Variants in PTPRT observed in about 807,000 individuals in gnomAD.
The protein encoded by PTPRT is receptor-type tyrosine-protein phosphatase T.
In PTPRT, 56 loss-of-function variants were observed where a neutral mutation model predicts 176.8. The ratio of observed to expected loss-of-function variants is 0.32; its 90% confidence interval spans 0.26 to 0.40. The LOEUF (loss-of-function observed/expected upper bound fraction) is 0.40. PTPRT is among the 10% of genes least tolerant of loss of function. The pLI is 1.00. For synonymous variants in PTPRT, 783 were observed against 739.0 expected, an observed-to-expected ratio of 1.06 and a Z score of -0.96; for missense variants, 1,540 against 1,908.2, an observed-to-expected ratio of 0.81 and a Z score of 3.60.
chr20:42,366,147 A>T (rs2058511013), intron 9 of PTPRT, among the ~76,000 whole-genome samples: 1 of 152,108 alleles, frequency 6.6e-6, no homozygotes, highest in Non-Finnish European at 1.5e-5. Flanking sequence ...ACCTTCTTCA[A>T]TGCCTTCTCT....
intron 2 of PTPRT, among the ~76,000 whole-genome samples, chr20:42,878,621 A>T (rs924359380): frequency 6.6e-5 from 10 of 152,224 alleles, no homozygotes; most frequent in Non-Finnish European, 1.5e-4. Context: ...AAAACAAGTG[A>T]CAATATCTCG....
the PTPRT span, among the ~76,000 whole-genome samples, chr20:42,039,353 T>C: frequency 2.6e-5 from 4 of 152,078 alleles, no homozygotes; most frequent in African/African-American, 9.7e-5. Flanking sequence ...AAAAAACCCA[T>C]TCTGTTAGCA....
At chr20:43,182,599 C>A (rs576814764) in intron 1 of PTPRT, among the ~76,000 whole-genome samples, 4 of 152,236 alleles carry the variant, frequency 2.6e-5, no homozygotes, top group African/African-American at 9.6e-5. Flanking sequence ...TCATGTTGAC[C>A]AGGCTGGTCT....
intron 7 of PTPRT, among the ~76,000 whole-genome samples, chr20:42,660,208 G>T (rs1001547351): frequency 2.6e-5 from 4 of 152,102 alleles, no homozygotes; most frequent in African/African-American, 9.7e-5. Flanking sequence ...CCCTAACAGG[G>T]TGTCTGCTCC....
chr20:42,826,310 T>C (rs1035335124), intron 2 of PTPRT, among the ~76,000 whole-genome samples: 2 of 152,218 alleles, frequency 1.3e-5, no homozygotes, highest in Non-Finnish European at 2.9e-5. Context: ...GGAAAAGGCC[T>C]TAGCCGTGAA....
intron 7 of PTPRT, among the ~76,000 whole-genome samples, chr20:42,558,966 T>C (rs1029605118): frequency 1.3e-5 from 2 of 152,162 alleles, no homozygotes; most frequent in African/African-American, 4.8e-5. Context: ...ATGTGTCGAC[T>C]GGATGGTCCC....
At position 42,912,329 on chromosome 20, in the gene PTPRT, T is replaced by C. The variant is rs139737076; in HGVS notation, c.89-26397A>G. ...ATTAGGTGAGGTTGAATGTTTTTTA[T>C]AAGTTCAACTGGCCATTTGGCATTT... On this transcript the variant is annotated intron_variant, in intron 1 of 30. Transcript: ENST00000373187. Among the ~76,000 whole-genome samples the C allele has an allele frequency of 1.1e-4, 16 of 152,342 alleles. No homozygotes were observed. In the East Asian group the frequency reaches 3.1e-3, roughly 29 times the overall value.
chr20:42,475,263 C>T (rs1196148597), intron 7 of PTPRT, among the ~76,000 whole-genome samples: 2 of 152,122 alleles, frequency 1.3e-5, no homozygotes, highest in East Asian at 3.9e-4. Context: ...AGTAGCAAGG[C>T]CAGCAGGTGA....
intron 6 of PTPRT, among the ~76,000 whole-genome samples, chr20:42,733,947 G>T (rs1569120125): frequency 6.6e-6 from 1 of 152,168 alleles, no homozygotes; most frequent in Non-Finnish European, 1.5e-5. Flanking sequence ...GCATGAGGAG[G>T]TCCTATGGTC....
At chr20:42,584,827 G>C (rs1385949373) in intron 7 of PTPRT, among the ~76,000 whole-genome samples, 1 of 152,178 alleles carries the variant, frequency 6.6e-6, no homozygotes, top group Non-Finnish European at 1.5e-5. Context: ...GAATTAATTA[G>C]CACACGTTCT....
intron 7 of PTPRT, among the ~76,000 whole-genome samples, chr20:42,480,591 C>T (rs923962917): frequency 6.6e-6 from 1 of 152,156 alleles, no homozygotes; most frequent in African/African-American, 2.4e-5. Flanking sequence ...CTTTGTGAAA[C>T]TGATGCTAGG....
At chr20:42,276,519 A>ATG (rs2057035328) in intron 13 of PTPRT, among the ~76,000 whole-genome samples, 2 of 29,978 alleles carry the variant, frequency 6.7e-5, no homozygotes, top group Admixed American at 2.8e-4. Context: ...ATATATATAT[A>ATG]TATATATATA....
At chr20:42,766,006 T>C (rs577755103) in intron 5 of PTPRT, among the ~76,000 whole-genome samples, 2 of 152,304 alleles carry the variant, frequency 1.3e-5, no homozygotes, top group East Asian at 3.9e-4. Context: ...AAAATATGCA[T>C]ATTTAAGGCT....
Position 43,189,663 on chromosome 20 carries a change from C to T in PTPRT, c.71G>A (p.Arg24Gln). The T allele has an allele frequency of 7.6e-7, 1 of 1,313,668 alleles. No individual in the cohort carries two copies. Among genetic ancestry groups the T allele is most frequent in the East Asian group, 3.2e-5 (1 of 31,296 alleles). 81.4% of individuals were successfully genotyped at this position (1,313,668 alleles called of 1,614,324 possible). Residue 24 changes from arginine to glutamine, a missense_variant, in exon 1 of 31, where the codon CGG (arginine) becomes CAG (glutamine). Transcript: ENST00000373187. The surrounding 1 kb of genome is among the most constrained non-coding windows in gnomAD (Gnocchi z 5.0). The stretch of plus-strand genomic sequence containing the variant: ...GCACTCACCTGCGGCGCTCTGAGCC[C>T]GGGCGCCGGGCAGTGGCGGCAGCTG... ...RLQLPPLPGA[R>Q]AQSAAGGCSF...
At chr20:42,864,893 G>A (rs529639549) in intron 2 of PTPRT, among the ~76,000 whole-genome samples, 1 of 152,332 alleles carries the variant, frequency 6.6e-6, no homozygotes, top group Admixed American at 6.5e-5. Context: ...GTTTGAAATG[G>A]TCAAAATCAG....
intron 1 of PTPRT, among the ~76,000 whole-genome samples, chr20:43,162,383 C>G (rs1399427523): frequency 1.3e-5 from 2 of 152,180 alleles, no homozygotes; most frequent in African/African-American, 4.8e-5. Flanking sequence ...AATAAGGAAA[C>G]TGAGGCAGAG....
chr20:42,156,852 C>T (rs1282276434), intron 17 of PTPRT, among the ~76,000 whole-genome samples: 1 of 152,224 alleles, frequency 6.6e-6, no homozygotes, highest in Admixed American at 6.5e-5. Context: ...CTGCAATGTC[C>T]TCTTAACTTG....
At chr20:42,640,808 C>A (rs976849475) in intron 7 of PTPRT, among the ~76,000 whole-genome samples, 2 of 152,084 alleles carry the variant, frequency 1.3e-5, no homozygotes, top group African/African-American at 4.8e-5. Context: ...CTGTGTCAGT[C>A]AGATTTTGCT....
intron 1 of PTPRT, among the ~76,000 whole-genome samples, chr20:43,106,666 G>GAAAAAAAAAAAAA (rs71193676): frequency 1.1e-5 from 1 of 86,998 alleles, no homozygotes; most frequent in Non-Finnish European, 2.0e-5. Context: ...CTCAAAAAAA[G>GAAAAAAAAAAAAA]AAAAAAAAAA....
Sources: allele counts gnomAD v4.1 joint callset (sites outside exome capture counted in the v4.1 genomes callset), GRCh38; gene constraint gnomAD v4.1.1; non-coding constraint Gnocchi (gnomAD v3.1); transcripts MANE v1.5; gene names NCBI Gene and HGNC (gene_info 2026-07-23, HGNC 2026-07-21).